Variants in DISP2 observed in about 807,000 individuals in gnomAD.
DISP2 encodes the protein protein dispatched homolog 2.
In DISP2, 59 loss-of-function variants were observed where a neutral mutation model predicts 95.5. The ratio of observed to expected loss-of-function variants is 0.62; its 90% CI spans 0.50 to 0.77. DISP2 has a LOEUF of 0.77. Among genes scored for constraint, DISP2 ranks in the 30% least tolerant of loss-of-function variants. The probability of loss-of-function intolerance (pLI) is 0.00; values close to 1 mark genes in which losing one functional copy is unlikely to be tolerated. For missense variants in DISP2, 1,752 were observed against 1,854.6 expected (o/e 0.94, Z 1.02); for synonymous variants, 827 against 815.0 (o/e 1.01, Z -0.25).
chr15:40,362,657 T>C lies in DISP2; in HGVS notation c.120-968T>C, dbSNP rs78526372. On this transcript the variant is annotated intron_variant, in intron 1 of 7. Coordinates refer to ENST00000267889, the MANE Select transcript of DISP2 (RefSeq NM_033510.3). ...AAAAATATAAAGCAAGATAGGGAGA[T>C]TGAGACCTGGTGGGTGACTATTTTA... Among the ~76,000 whole-genome samples, 15 of 152,244 alleles carry C rather than the reference T, an allele frequency of 9.9e-5. No homozygotes were observed. In the East Asian group the frequency reaches 2.9e-3, roughly 29 times the overall value.
rs1447956010 is a variant in DISP2 at position 40,369,052 on chromosome 15, C to T, written c.2940C>T (p.Leu980=). ...LALALAFATL[L]LGTWNVPLSL... is the part of the protein sequence containing the mutation. Reference sequence around the variant, plus strand: ...TGGCGCTGGCCTTTGCCACACTGCTCCTGGGCACCTGGAATGTTCCCCTCA... The same window carrying T: ...TGGCGCTGGCCTTTGCCACACTGCTTCTGGGCACCTGGAATGTTCCCCTCA... The change falls in exon 8 of 8, where the codon CTC becomes CTT. Residue 980 remains leucine (L), a synonymous_variant. Transcript: ENST00000267889. 3 of 1,613,922 alleles carry T rather than the reference C, an allele frequency of 1.9e-6. No homozygotes were observed. The highest frequency in any genetic ancestry group is 2.5e-6 in the Non-Finnish European group (3 of 1,180,054).
chr15:40,364,779 C>T, intron 4 of DISP2, 59 bp from the exon 5 acceptor site: 5 of 1,536,626 alleles, frequency 3.3e-6, no homozygotes, highest in Non-Finnish European at 4.4e-6. Flanking sequence ...AGCTGAGAAG[C>T]ACCCAAATGG....
At chr15:40,358,466 GT>G in intron 1 of DISP2, 26 bp downstream of exon 1, 2 of 1,256,842 alleles carry the variant, frequency 1.6e-6, no homozygotes, top group Non-Finnish European at 1.0e-6. Context: ...CCGCAGATCC[GT>G]ATCACAGACC....
chr15:40,358,527 C>A, intron 1 of DISP2, 87 bp downstream of exon 1: 1 of 1,008,858 alleles, frequency 9.9e-7, no homozygotes, highest in Non-Finnish European at 1.3e-6. Flanking sequence ...CCATATGTTG[C>A]CCCATTCATT....
Position 40,359,894 on chromosome 15 carries a change from GTT to G in DISP2, c.119+1455_119+1456del, listed in dbSNP as rs374138398. Among the ~76,000 whole-genome samples the G allele has an allele frequency of 5.0e-3, 756 of 152,328 alleles. 4 individuals carry two copies. The highest frequency in any genetic ancestry group is 0.017 in the African/African-American group (711 of 41,564). On this transcript the variant is annotated intron_variant, in intron 1 of 7. Coordinates refer to ENST00000267889, the MANE Select transcript of DISP2 (RefSeq NM_033510.3). ...ACTGGCTAGAGAGGAATTTGAAATAGTTCACACTTTGTGTTTTTAAAATTACC... is the reference window on the plus strand; with the variant it reads ...ACTGGCTAGAGAGGAATTTGAAATAGCACACTTTGTGTTTTTAAAATTACC...
In DISP2 at chr15:40,369,836, C is replaced by T. The variant is rs1205925062; in HGVS notation, c.3724C>T (p.Pro1242Ser). The part of the protein sequence containing the change: ...QTSSPYKQAG[P>S]SPKTRARQDS... ...CTCCTCCCCCTATAAGCAGGCTGGC[C>T]CCAGCCCCAAAACCCGGGCCAGGCA... is the stretch of plus-strand genomic sequence containing the variant. The change falls in exon 8 of 8, where the codon CCC becomes TCC. Residue 1242 changes from proline to serine, a missense_variant. By Grantham distance (74) the Pro-to-Ser change is moderately conservative. Coordinates refer to ENST00000267889, the MANE Select transcript of DISP2 (RefSeq NM_033510.3). The T allele has an allele frequency of 6.3e-7, 1 of 1,577,830 alleles. No individual in the cohort carries two copies. The highest frequency in any genetic ancestry group is 1.2e-5 in the South Asian group (1 of 86,910).
rs898041576 is a variant in DISP2, at chr15:40,377,506, A to G, written c.*7188A>G. On this transcript the variant is annotated 3_prime_UTR_variant, in exon 8 of 8. Coordinates refer to ENST00000267889, the MANE Select transcript of DISP2 (RefSeq NM_033510.3). ...AGTGATCTCTCAGAGGCAAGAAACA[A>G]ACAAGGAGAACCCCTCGGTTGCCCA... 1 of 152,338 alleles carries G rather than the reference A, an allele frequency of 6.6e-6. No homozygotes were observed. The highest frequency in any genetic ancestry group is 1.9e-4 in the East Asian group (1 of 5,174). 9.4% of individuals were successfully genotyped at this position (152,338 alleles called of 1,614,324 possible).
chr15:40,361,718 C>A (rs1286482089), intron 1 of DISP2, among the ~76,000 whole-genome samples: 1 of 152,258 alleles, frequency 6.6e-6, no homozygotes, highest in Non-Finnish European at 1.5e-5. Context: ...AGTCTCTGGG[C>A]TGAACTCAGC....
intron 7 of DISP2, among the ~76,000 whole-genome samples, chr15:40,366,719 A>G (rs115105538): frequency 0.013 from 1,923 of 152,332 alleles, 34 homozygotes; most frequent in African/African-American, 0.044. Flanking sequence ...GCTTCAGCTC[A>G]TTGGACCCTT....
chr15:40,373,565 G>T lies in DISP2; in HGVS notation c.*3247G>T. The T allele has an allele frequency of 6.6e-6, 1 of 152,176 alleles. No homozygotes were observed. Among genetic ancestry groups the T allele is most frequent in the Non-Finnish European group, 1.5e-5 (1 of 68,034 alleles). The allele number at this position is 152,176 out of a possible 1,614,324, so 9.4% of individuals were successfully genotyped here. A position where few individuals can be genotyped will look rare whatever the true frequency, so the allele number is the denominator to read the frequency against. ...CTAAAAATACAAAAATTAGTTGGGC[G>T]TGGTGGGGGATGCCTGTAGTCCTAG... On this transcript the variant is annotated 3_prime_UTR_variant, in exon 8 of 8. Coordinates refer to ENST00000267889, the MANE Select transcript of DISP2 (RefSeq NM_033510.3).
Position 40,363,756 on chromosome 15 carries a change from C to T in DISP2, c.251C>T (p.Pro84Leu). The change falls in exon 2 of 8, where the codon CCA (proline) becomes CTA (leucine). Residue 84 changes from proline (P) to leucine (L), a missense_variant. Pro to Leu is a moderately conservative substitution (Grantham distance 98). Coordinates refer to ENST00000267889, the MANE Select transcript of DISP2 (RefSeq NM_033510.3). The stretch of plus-strand genomic sequence containing the variant: ...ACTTCCACCCTCCAGCCTGTGGGTC[C>T]ATCCAGCCCCTTGGCCCCTGCCCAC... ...PTTSTLQPVG[P>L]SSPLAPAHFT... 1 of 1,613,864 alleles carries T rather than the reference C, an allele frequency of 6.2e-7. No homozygotes were observed.
Position 40,368,098 on chromosome 15 carries a change from C to A in DISP2, c.1986C>A (p.Gly662=), listed in dbSNP as rs942758006. ...GCCGGGCGCGGGGCCGGTGGGAGGG[C>A]AGCGCGCCCCGGCGGCTACTGCTGG... ...CARRARGRWE[G]SAPRRLLLAL... The change falls in exon 8 of 8, where the codon GGC becomes GGA. Residue 662 remains glycine (G), a synonymous_variant. Transcript: ENST00000267889. The A allele has an allele frequency of 5.9e-6, 8 of 1,353,848 alleles. No individual in the cohort carries two copies. The highest frequency in any genetic ancestry group is 7.5e-6 in the Non-Finnish European group (8 of 1,063,170). 83.9% of individuals were successfully genotyped at this position (1,353,848 alleles called of 1,614,324 possible).
At position 40,368,957 on chromosome 15, in the gene DISP2, A is replaced by T; in HGVS notation, c.2845A>T (p.Ser949Cys). 6.2e-7 allele frequency: 1 copy of T among 1,613,958 alleles called. No individual in the cohort carries two copies. Among genetic ancestry groups the T allele is most frequent in the Non-Finnish European group, 8.5e-7 (1 of 1,180,048 alleles). Residue 949 changes from serine (S) to cysteine (C), a missense_variant, in exon 8 of 8, where the codon AGC becomes TGC. Transcript: ENST00000267889. ...PPGLRRGWFTSRLELYSLQHS... is the reference protein window; with the variant it reads ...PPGLRRGWFTCRLELYSLQHS... ...AGGCCTCCGCCGTGGTTGGTTCACT[A>T]GCCGTCTAGAGCTGTATAGCCTGCA... is the stretch of plus-strand genomic sequence containing the variant.
rs1413136400 is a variant in DISP2, at chr15:40,370,093, C to T, written c.3981C>T (p.Val1327=). 1 of 1,611,702 alleles carries T rather than the reference C, an allele frequency of 6.2e-7. No homozygotes were observed. The highest frequency in any genetic ancestry group is 1.7e-5 in the Admixed American group (1 of 59,778). The change falls in exon 8 of 8, where the codon GTC becomes GTT. Residue 1327 remains valine, a synonymous_variant. Coordinates refer to ENST00000267889, the MANE Select transcript of DISP2 (RefSeq NM_033510.3). The part of the protein sequence containing the change: ...PDDLDDTGQP[V]LERGQLNGKR... ...ACCTGGATGACACTGGGCAGCCAGT[C>T]CTTGAGCGAGGCCAGCTCAATGGGA...
intron 3 of DISP2, 66 bp downstream of exon 3, chr15:40,364,321 C>T (rs965012770): frequency 6.8e-6 from 11 of 1,613,822 alleles, no homozygotes; most frequent in East Asian, 2.2e-5. Context: ...CCCTGTTCCC[C>T]GTGCTCTCTG....
In DISP2 at chr15:40,369,005, G is replaced by A. The variant is rs886964632; in HGVS notation, c.2893G>A (p.Ala965Thr). ...GCAGCACAGCCTGAGCACTGAGCCT[G>A]CTGTGGTGCTGGGCCTGGCTTTGGC... The part of the protein sequence containing the change: ...SLQHSLSTEP[A>T]VVLGLALALA... Residue 965 changes from alanine to threonine, a missense_variant, in exon 8 of 8, where the codon GCT becomes ACT. By Grantham distance (58) the Ala-to-Thr change is moderately conservative. This residue lies in a region of DISP2 where 317 missense variants were observed against 394.9 expected (regional missense o/e 0.80). Coordinates refer to ENST00000267889, the MANE Select transcript of DISP2 (RefSeq NM_033510.3). 1.2e-6 allele frequency: 2 copies of A among 1,613,908 alleles called. No individual in the cohort carries two copies. The highest frequency in any genetic ancestry group is 1.7e-6 in the Non-Finnish European group (2 of 1,180,052).
intron 1 of DISP2, among the ~76,000 whole-genome samples, chr15:40,358,713 C>T (rs1324816948): frequency 1.3e-5 from 2 of 152,238 alleles, no homozygotes; most frequent in East Asian, 3.9e-4. Flanking sequence ...TCCTCTCAGG[C>T]CAGGACTCCC....
Position 40,369,630 on chromosome 15 carries a change from GC to G in DISP2, c.3522del (p.Ser1175AlafsTer126). The G allele has an allele frequency of 1.2e-6, 2 of 1,611,642 alleles. No individual in the cohort carries two copies. Reference protein sequence around the residue: ...YELQPLARRRSPSFDTSTATS... With the variant: ...YELQPLARRRXPSFDTSTATS... ...CTACAGCCCCTGGCACGGCGTCGGA[GC>G]CCCAGCTTTGACACCAGCACAGCCA... is the stretch of plus-strand genomic sequence containing the variant. On this transcript the variant is annotated frameshift_variant, in exon 8 of 8. Coordinates refer to ENST00000267889, the MANE Select transcript of DISP2 (RefSeq NM_033510.3). LOFTEE classifies it high-confidence loss of function.
rs1889510188 is a variant in DISP2, at chr15:40,367,181, A to C, written c.1069A>C (p.Thr357Pro). ...CAACCGCTCCTCCTGCCTGGACACT[A>C]CCCAAGCTGACGCAGCCCGCACACT... ...LSNRSSCLDTTQADAARTLAL... is the reference protein window; with the variant it reads ...LSNRSSCLDTPQADAARTLAL... Residue 357 changes from threonine (T) to proline (P), a missense_variant, in exon 8 of 8, where the codon ACC becomes CCC. Physicochemically the swap from Thr to Pro is conservative, Grantham distance 38 (BLOSUM62 -1). Transcript: ENST00000267889. 1 of 1,613,598 alleles carries C rather than the reference A, an allele frequency of 6.2e-7. No homozygotes were observed. Among genetic ancestry groups the C allele is most frequent in the Admixed American group, 1.7e-5 (1 of 59,962 alleles).
Sources: allele counts gnomAD v4.1 joint callset (sites outside exome capture counted in the v4.1 genomes callset), GRCh38; gene constraint gnomAD v4.1.1; regional missense constraint gnomAD v4.1.1; transcripts MANE v1.5; gene names NCBI Gene and HGNC (gene_info 2026-07-23, HGNC 2026-07-21).